The following NUDCD3 variants were observed in gnomAD, a reference collection of about 807,000 sequenced individuals.
NUDCD3 encodes the protein NudC domain containing 3.
In NUDCD3, 13 loss-of-function variants were observed where a neutral mutation model predicts 39.7. The observed-to-expected ratio is 0.33, with a 90% CI of 0.21 to 0.52. NUDCD3 has a LOEUF of 0.52. Ranked by LOEUF, NUDCD3 falls within the 20% of genes least tolerant of loss-of-function variation. NUDCD3 has a pLI of 0.96. For missense variants in NUDCD3, 453 were observed against 458.1 expected, an observed-to-expected ratio of 0.99 and a Z score of 0.10; for synonymous variants, 175 against 172.4, an observed-to-expected ratio of 1.02 and a Z score of -0.12.
chr7:44,455,471 T>C (rs1799873797), intron 2 of NUDCD3, among the ~76,000 whole-genome samples: 1 of 152,036 alleles, frequency 6.6e-6, no homozygotes, highest in Non-Finnish European at 1.5e-5. Flanking sequence ...CCAGGACTGC[T>C]ACCTCTTCCA....
At position 44,399,024 on chromosome 7, in the gene NUDCD3, T is replaced by C. The variant is rs138734952; in HGVS notation, c.786+5416A>G. 6.6e-3 allele frequency among the ~76,000 whole-genome samples: 1,002 copies of C among 152,362 alleles called. 12 individuals carry two copies. Among genetic ancestry groups the C allele is most frequent in the African/African-American group, 0.023 (944 of 41,590 alleles). On this transcript the variant is annotated intron_variant, in intron 4 of 5. Coordinates refer to ENST00000355451, the MANE Select transcript of NUDCD3 (RefSeq NM_015332.4). ...AAATTAAGACACTGTATAGGCCAGA[T>C]AGGACCCAGCTGTGGTCTGAGTGTG...
intron 3 of NUDCD3, among the ~76,000 whole-genome samples, chr7:44,423,460 C>CA (rs915372353): frequency 6.6e-6 from 1 of 152,182 alleles, no homozygotes; most frequent in Non-Finnish European, 1.5e-5. Flanking sequence ...GATACAAAAT[C>CA]AATGTGCAAA....
chr7:44,490,498 A>G lies in NUDCD3; in HGVS notation c.103T>C (p.Tyr35His), dbSNP rs373365864. The G allele has an allele frequency of 1.9e-6, 3 of 1,610,238 alleles. No individual in the cohort carries two copies. Among genetic ancestry groups the G allele is most frequent in the Non-Finnish European group, 2.5e-6 (3 of 1,178,566 alleles). ...AAGCGATAGAAGTCTGTCTTGCGGT[A>G]GAGGAAGCCAAAGAGAACGCGCAGG... ...DFLRVLFGFL[Y>H]RKTDFYRLLR... The change falls in exon 1 of 6, where the codon TAC (tyrosine) becomes CAC (histidine). Residue 35 changes from tyrosine to histidine, a missense_variant. Transcript: ENST00000355451.
At chr7:44,421,399 C>T (rs540117266) in intron 3 of NUDCD3, among the ~76,000 whole-genome samples, 1 of 145,616 alleles carries the variant, frequency 6.9e-6, no homozygotes, top group Non-Finnish European at 1.5e-5. Context: ...CATCAGTGTG[C>T]TGTATTCAGG....
intron 3 of NUDCD3, among the ~76,000 whole-genome samples, chr7:44,411,736 T>C (rs1333365258): frequency 2.6e-4 from 39 of 152,226 alleles, no homozygotes; most frequent in Non-Finnish European, 2.9e-5. Context: ...TGTTTGACAG[T>C]TCCTCAAAAA....
At chr7:44,450,962 G>A (rs1040642085) in intron 2 of NUDCD3, among the ~76,000 whole-genome samples, 1 of 152,186 alleles carries the variant, frequency 6.6e-6, no homozygotes, top group South Asian at 2.1e-4. Flanking sequence ...TACATAACAC[G>A]GTTGAACCTA....
intron 2 of NUDCD3, chr7:44,472,082 C>G (rs868090147): frequency 3.3e-5 from 5 of 152,196 alleles, no homozygotes; most frequent in Admixed American, 3.3e-4. Flanking sequence ...GAAGCCGTGA[C>G]CAACCCCAAT....
intron 4 of NUDCD3, among the ~76,000 whole-genome samples, chr7:44,401,677 C>T (rs1798729781): frequency 6.6e-6 from 1 of 152,132 alleles, no homozygotes; most frequent in South Asian, 2.1e-4. Context: ...ATTTAGGAGC[C>T]GTGTTCACGG....
intron 2 of NUDCD3, among the ~76,000 whole-genome samples, chr7:44,448,709 C>A (rs749036324): frequency 6.6e-6 from 1 of 152,110 alleles, no homozygotes; most frequent in Admixed American, 6.5e-5. Flanking sequence ...TGCTCCAGCT[C>A]AGGCAGGAAG....
chr7:44,386,495 G>A, intron 5 of NUDCD3, among the ~76,000 whole-genome samples: 1 of 152,182 alleles, frequency 6.6e-6, no homozygotes, highest in East Asian at 1.9e-4. Flanking sequence ...CATTAAGAGG[G>A]AGTGTCCCAG....
rs558205246 is a variant in NUDCD3 at position 44,467,871 on chromosome 7, G to A, written c.509+17097C>T. 1.2e-5 allele frequency: 19 copies of A among 1,532,318 alleles called. No homozygotes were observed. The East Asian group carries it at 4.0e-4, about 33-fold the overall frequency. The allele number at this position is 1,532,318 out of a possible 1,614,324, so 94.9% of individuals were successfully genotyped here. Reference sequence around the variant, plus strand: ...CTCTTCCTCGGCGCTGCCTACGGAGGTGGCAGCCATCTCCTCCTCGGCATC... The same window carrying A: ...CTCTTCCTCGGCGCTGCCTACGGAGATGGCAGCCATCTCCTCCTCGGCATC... On this transcript the variant is annotated intron_variant, in intron 2 of 5. Transcript: ENST00000355451.
chr7:44,415,911 T>C (rs555560240), intron 3 of NUDCD3, among the ~76,000 whole-genome samples: 4 of 152,054 alleles, frequency 2.6e-5, no homozygotes, highest in African/African-American at 4.8e-5. Flanking sequence ...CCGTGACAGG[T>C]AGACTTAGGG....
chr7:44,473,745 T>C (rs1000825773), intron 2 of NUDCD3, among the ~76,000 whole-genome samples: 1 of 152,074 alleles, frequency 6.6e-6, no homozygotes. Context: ...CTCCAACTTA[T>C]AGGAAATAGG....
chr7:44,427,498 T>C lies in NUDCD3; in HGVS notation c.642+73A>G. 3.9e-6 allele frequency: 6 copies of C among 1,527,882 alleles called. No homozygotes were observed. In the South Asian group the frequency reaches 6.2e-5, roughly 16 times the overall value. 94.6% of individuals were successfully genotyped at this position (1,527,882 alleles called of 1,614,324 possible). ...GATCTCAACACTCCCTCAAGGATGC[T>C]GGTGGGTCTTCCCTGCAACAGCTTT... On this transcript the variant is annotated intron_variant, in intron 3 of 5. Coordinates refer to ENST00000355451, the MANE Select transcript of NUDCD3 (RefSeq NM_015332.4).
At chr7:44,449,471 G>C (rs542522177) in intron 2 of NUDCD3, among the ~76,000 whole-genome samples, 83 of 152,304 alleles carry the variant, frequency 5.4e-4, no homozygotes, top group Non-Finnish European at 1.1e-3. Context: ...GGGTGGAACT[G>C]AAGACAAAGA....
chr7:44,394,749 G>A (rs1307995973), intron 4 of NUDCD3, among the ~76,000 whole-genome samples: 1 of 152,218 alleles, frequency 6.6e-6, no homozygotes, highest in Non-Finnish European at 1.5e-5. Context: ...CTACACTGGG[G>A]CTGACAGCCC....
intron 4 of NUDCD3, among the ~76,000 whole-genome samples, chr7:44,396,592 T>C (rs1398202681): frequency 6.6e-6 from 1 of 151,756 alleles, no homozygotes; most frequent in Non-Finnish European, 1.5e-5. Flanking sequence ...CTCCAGACCT[T>C]TTTTTTTAAT....
At chr7:44,413,240 TAGG>T (rs1563169223) in intron 3 of NUDCD3, 1 of 151,936 alleles carries the variant, frequency 6.6e-6, no homozygotes, top group Non-Finnish European at 1.5e-5. Context: ...TACTTGAGCC[TAGG>T]AGTTTAAGAC....
At chr7:44,386,608 C>T (rs890747524) in intron 5 of NUDCD3, among the ~76,000 whole-genome samples, 1 of 152,214 alleles carries the variant, frequency 6.6e-6, no homozygotes, top group Non-Finnish European at 1.5e-5. Flanking sequence ...CAGTTATCAG[C>T]ATCAAGAACT....
Sources: allele counts gnomAD v4.1 joint callset (sites outside exome capture counted in the v4.1 genomes callset), GRCh38; gene constraint gnomAD v4.1.1; transcripts MANE v1.5; gene names NCBI Gene and HGNC (gene_info 2026-07-23, HGNC 2026-07-21).